RANBP2: variants seen among roughly 807,000 people sequenced by gnomAD.
RANBP2 encodes the protein E3 SUMO-protein ligase RanBP2.
A neutral mutation model predicts 303.6 loss-of-function variants in RANBP2; 57 were observed. The observed-to-expected ratio is 0.19, with a 90% CI of 0.15 to 0.23. The LOEUF (loss-of-function observed/expected upper bound fraction) is 0.23. Ranked by LOEUF, RANBP2 falls within the 10% of genes least tolerant of loss-of-function variation. The probability of loss-of-function intolerance (pLI) is 1.00; values close to 1 mark genes in which losing one functional copy is unlikely to be tolerated. For missense variants in RANBP2, 3,138 were observed against 3,780.8 expected (o/e 0.83, Z 4.46); for synonymous variants, 1,167 against 1,301.5 (o/e 0.90, Z 2.23).
chr2:109,079,445 G>A, the RANBP2 span, among the ~76,000 whole-genome samples: 5 of 152,124 alleles, frequency 3.3e-5, no homozygotes, highest in East Asian at 1.9e-4. Context: ...TTTACTGTTC[G>A]GGGAGTTGGT....
the RANBP2 span, among the ~76,000 whole-genome samples, chr2:109,208,399 C>T: frequency 8.1e-3 from 1,228 of 152,302 alleles, 4 homozygotes; most frequent in Middle Eastern, 0.017. Context: ...GCAGCTTATG[C>T]TTCCTGTATC....
At chr2:108,884,720 G>A in the RANBP2 span, 1 of 152,126 alleles carries the variant, frequency 6.6e-6, no homozygotes, top group Non-Finnish European at 1.5e-5. Flanking sequence ...CTCCCGGATA[G>A]GACTCTCAAG....
the RANBP2 span, among the ~76,000 whole-genome samples, chr2:109,063,287 T>G: frequency 2.0e-5 from 3 of 152,142 alleles, no homozygotes; most frequent in African/African-American, 7.2e-5. Flanking sequence ...TTGCTTCAAA[T>G]TACGGTGGAA....
chr2:109,622,463 A>G, the RANBP2 span, among the ~76,000 whole-genome samples: 110 of 152,332 alleles, frequency 7.2e-4, 1 homozygote, highest in South Asian at 0.023. Flanking sequence ...TTAATGATTG[A>G]GACAGATAAT....
chr2:108,853,106 G>A, the RANBP2 span, among the ~76,000 whole-genome samples: 1 of 152,180 alleles, frequency 6.6e-6, no homozygotes, highest in African/African-American at 2.4e-5. Flanking sequence ...TTAATATGCT[G>A]TTTGTAATAA....
the RANBP2 span, among the ~76,000 whole-genome samples, chr2:109,683,622 G>A: frequency 6.2e-4 from 94 of 151,988 alleles, 1 homozygote; most frequent in Admixed American, 3.9e-3. Context: ...GCGCCTGGCC[G>A]GCCGTACTGC....
the RANBP2 span, among the ~76,000 whole-genome samples, chr2:109,055,866 T>G: frequency 6.6e-6 from 1 of 150,552 alleles, no homozygotes; most frequent in East Asian, 2.0e-4. Context: ...GTTCAAGCAA[T>G]TCTCTGCTTC....
chr2:109,657,381 G>A, the RANBP2 span, among the ~76,000 whole-genome samples: 3 of 152,142 alleles, frequency 2.0e-5, no homozygotes, highest in African/African-American at 7.2e-5. Flanking sequence ...CCAGGAGGTT[G>A]AGGCTGCAGT....
At chr2:109,019,924 G>A in the RANBP2 span, among the ~76,000 whole-genome samples, 1 of 152,178 alleles carries the variant, frequency 6.6e-6, no homozygotes, top group Non-Finnish European at 1.5e-5. Context: ...AATCAGCACA[G>A]CCAGTGTCTG....
At chr2:109,102,057 A>G in the RANBP2 span, among the ~76,000 whole-genome samples, 1 of 151,992 alleles carries the variant, frequency 6.6e-6, no homozygotes, top group Non-Finnish European at 1.5e-5. Flanking sequence ...CTCCTGCAAA[A>G]CCTTAGGAGT....
chr2:109,338,922 A>AGAGT, the RANBP2 span, among the ~76,000 whole-genome samples: 3 of 107,026 alleles, frequency 2.8e-5, no homozygotes, highest in African/African-American at 1.4e-4. Context: ...GATAACACAA[A>AGAGT]CAGTTGATCA....
At chr2:109,257,830 T>C in the RANBP2 span, among the ~76,000 whole-genome samples, 1 of 152,164 alleles carries the variant, frequency 6.6e-6, no homozygotes, top group Admixed American at 6.5e-5. Context: ...TGGAGGCTTT[T>C]TTGGAAACCC....
At chr2:108,894,377 A>G in the RANBP2 span, 2 of 152,718 alleles carry the variant, frequency 1.3e-5, no homozygotes, top group African/African-American at 2.4e-5. Context: ...ACATAGGGCA[A>G]TAACCAGGAA....
At chr2:108,830,820 A>C in the RANBP2 span, among the ~76,000 whole-genome samples, 1 of 144,470 alleles carries the variant, frequency 6.9e-6, no homozygotes, top group Admixed American at 7.0e-5. Flanking sequence ...AATAAAAAAC[A>C]AAAAAAAAAA....
the RANBP2 span, among the ~76,000 whole-genome samples, chr2:109,419,370 G>C: frequency 6.6e-6 from 1 of 152,206 alleles, no homozygotes; most frequent in Non-Finnish European, 1.5e-5. Context: ...GTCCCGGGCT[G>C]CCAGGCTCCC....
chr2:108,719,545 T>C lies in RANBP2; in HGVS notation c.-62T>C. Reference sequence around the variant, plus strand: ...TTTGCAGGCGCTTTCCTCTTGGAAGTGGCGACTGCTGCGGGCCTGAGCGCT... The same window carrying C: ...TTTGCAGGCGCTTTCCTCTTGGAAGCGGCGACTGCTGCGGGCCTGAGCGCT... On this transcript the variant is annotated 5_prime_UTR_variant, in exon 1 of 29. Coordinates refer to ENST00000283195, the MANE Select transcript of RANBP2 (RefSeq NM_006267.5). 6.4e-7 allele frequency: 1 copy of C among 1,562,102 alleles called. No homozygotes were observed. The highest frequency in any genetic ancestry group is 1.2e-5 in the South Asian group (1 of 85,080).
the RANBP2 span, among the ~76,000 whole-genome samples, chr2:109,317,660 C>T: frequency 4.3e-3 from 650 of 152,302 alleles, 2 homozygotes; most frequent in Admixed American, 9.4e-3. Context: ...GTTTAAATGA[C>T]TTCAGGTACA....
In RANBP2 at chr2:108,785,331, T is replaced by C. The variant is rs182962668; in HGVS notation, c.*1430T>C. ...TATCAGTTCAGTCTTGAACCATGGA[T>C]TACATATGTTTACACTAAATATTTC... On this transcript the variant is annotated 3_prime_UTR_variant, in exon 29 of 29. Coordinates refer to ENST00000283195, the MANE Select transcript of RANBP2 (RefSeq NM_006267.5). 7.9e-5 allele frequency: 12 copies of C among 152,340 alleles called. No homozygotes were observed. In the East Asian group the frequency reaches 2.3e-3, roughly 29 times the overall value. 9.4% of individuals were successfully genotyped at this position (152,340 alleles called of 1,614,324 possible).
At chr2:109,145,075 C>G in the RANBP2 span, among the ~76,000 whole-genome samples, 1 of 152,330 alleles carries the variant, frequency 6.6e-6, no homozygotes, top group East Asian at 1.9e-4. Context: ...GTTAAGGGCC[C>G]TCTTACGGGG....
Sources: allele counts gnomAD v4.1 joint callset (sites outside exome capture counted in the v4.1 genomes callset), GRCh38; gene constraint gnomAD v4.1.1; transcripts MANE v1.5; gene names NCBI Gene and HGNC (gene_info 2026-07-23, HGNC 2026-07-21).